Variants in TACC2 observed in about 807,000 individuals in gnomAD.
The protein encoded by TACC2 is transforming acidic coiled-coil-containing protein 2.
In TACC2, 137 loss-of-function variants were observed where a neutral mutation model predicts 227.3. The ratio of observed to expected loss-of-function variants is 0.60; its 90% CI spans 0.52 to 0.69. The LOEUF is 0.69. TACC2 is among the 30% of genes least tolerant of loss of function. The pLI is 0.00. For missense variants in TACC2, 3,470 were observed against 3,694.4 expected (o/e 0.94, Z 1.57); for synonymous variants, 1,523 against 1,487.5 (o/e 1.02, Z -0.55).
chr10:122,082,291 G>C (rs2079602290), intron 3 of TACC2, among the ~76,000 whole-genome samples: 1 of 152,174 alleles, frequency 6.6e-6, no homozygotes, highest in Non-Finnish European at 1.5e-5. Flanking sequence ...CTGGGTGACA[G>C]GGCAAGACCC....
Position 122,085,367 on chromosome 10 carries a change from G to A in TACC2, c.2867G>A (p.Gly956Asp), listed in dbSNP as rs1353645806. The change falls in exon 4 of 23, where the codon GGT becomes GAT. Residue 956 changes from glycine (G) to aspartate (D), a missense_variant. By Grantham distance (94) the Gly-to-Asp change is moderately conservative. Transcript: ENST00000369005. ...CGGCCAGAGGGAGCATGCGGTGATG[G>A]TCAGTCCTCGAGGGTCTCGCCTCCA... ...EKRPEGACGD[G>D]QSSRVSPPAA... 1.2e-6 allele frequency: 2 copies of A among 1,613,930 alleles called. No homozygotes were observed. The highest frequency in any genetic ancestry group is 3.3e-5 in the Admixed American group (2 of 59,998).
chr10:122,183,896 C>G (rs925729109), intron 7 of TACC2, among the ~76,000 whole-genome samples: 1 of 152,188 alleles, frequency 6.6e-6, no homozygotes, highest in Non-Finnish European at 1.5e-5. Flanking sequence ...TCCTCAGAAC[C>G]CAGGAGGACT....
At chr10:122,120,717 A>G (rs1021635165) in intron 5 of TACC2, among the ~76,000 whole-genome samples, 2 of 151,764 alleles carry the variant, frequency 1.3e-5, no homozygotes, top group African/African-American at 2.4e-5. Flanking sequence ...GTGCTCATAA[A>G]CATTGATTCC....
At chr10:122,188,885 G>A (rs1039069532) in intron 7 of TACC2, among the ~76,000 whole-genome samples, 3 of 151,384 alleles carry the variant, frequency 2.0e-5, no homozygotes, top group African/African-American at 7.2e-5. Context: ...AGCCGTAGGT[G>A]TCAGCCTGGA....
chr10:122,074,519 A>T (rs1223179839), intron 3 of TACC2, among the ~76,000 whole-genome samples: 9 of 152,170 alleles, frequency 5.9e-5, no homozygotes, highest in Non-Finnish European at 1.0e-4. Context: ...TTGATGCAGA[A>T]TGACCTATCA....
At chr10:122,192,419 C>T (rs1039452567) in intron 7 of TACC2, 1 of 315,566 alleles carries the variant, frequency 3.2e-6, no homozygotes, top group African/African-American at 2.2e-5. Flanking sequence ...AAGAGCAGAG[C>T]CCTTTGTGCT....
intron 5 of TACC2, among the ~76,000 whole-genome samples, chr10:122,121,797 CTGT>C (rs1280186115): frequency 6.6e-6 from 1 of 152,148 alleles, no homozygotes; most frequent in East Asian, 1.9e-4. Context: ...GGTCCCTGCC[CTGT>C]TGTTGGTGGT....
chr10:122,204,942 A>G (rs1012561150), intron 8 of TACC2, among the ~76,000 whole-genome samples: 1 of 152,130 alleles, frequency 6.6e-6, no homozygotes, highest in Non-Finnish European at 1.5e-5. Context: ...TGTCACTCCA[A>G]CAGTGCTCCT....
chr10:122,182,484 G>C (rs1208306935), intron 7 of TACC2, among the ~76,000 whole-genome samples: 1 of 152,170 alleles, frequency 6.6e-6, no homozygotes, highest in African/African-American at 2.4e-5. Context: ...AGGTGTGTCT[G>C]TGTTTGTTAA....
chr10:122,177,509 C>T (rs895496756), intron 7 of TACC2, among the ~76,000 whole-genome samples: 2 of 152,032 alleles, frequency 1.3e-5, no homozygotes, highest in Admixed American at 6.6e-5. Flanking sequence ...TTCAAGGCTA[C>T]AGGGCACAAT....
chr10:122,053,517 C>G (rs1231199967), intron 3 of TACC2, among the ~76,000 whole-genome samples: 1 of 152,138 alleles, frequency 6.6e-6, no homozygotes, highest in East Asian at 1.9e-4. Flanking sequence ...ATCATCCATT[C>G]CCTCCCCAAC....
chr10:122,090,843 A>T (rs1032515832), intron 5 of TACC2, among the ~76,000 whole-genome samples: 7 of 152,082 alleles, frequency 4.6e-5, no homozygotes, highest in African/African-American at 1.7e-4. Flanking sequence ...CGACCACCCC[A>T]GGATCCTCCC....
intron 7 of TACC2, chr10:122,163,849 C>G (rs2092980506): frequency 6.7e-7 from 1 of 1,496,684 alleles, no homozygotes; most frequent in African/African-American, 1.4e-5. Context: ...CGGCTCGCCC[C>G]GGCTCCCGGC....
chr10:122,133,332 T>C (rs1048722342), intron 6 of TACC2, among the ~76,000 whole-genome samples: 1 of 152,150 alleles, frequency 6.6e-6, no homozygotes, highest in Non-Finnish European at 1.5e-5. Flanking sequence ...ACACTGTGCT[T>C]GGCCTGGATT....
At chr10:122,098,027 T>C (rs1023609795) in intron 5 of TACC2, among the ~76,000 whole-genome samples, 1 of 151,772 alleles carries the variant, frequency 6.6e-6, no homozygotes, top group South Asian at 2.1e-4. Flanking sequence ...AGGTTTGGGG[T>C]AAATGGTTAG....
intron 5 of TACC2, among the ~76,000 whole-genome samples, chr10:122,101,969 T>C (rs1040575792): frequency 1.3e-5 from 2 of 152,042 alleles, no homozygotes; most frequent in African/African-American, 2.4e-5. Context: ...AGTCATGCAT[T>C]GCTTAATGAT....
In TACC2 at chr10:122,087,614, C is replaced by G; in HGVS notation, c.5114C>G (p.Ala1705Gly). 6.2e-7 allele frequency: 1 copy of G among 1,613,540 alleles called. No homozygotes were observed. The highest frequency in any genetic ancestry group is 2.2e-5 in the East Asian group (1 of 44,880). ...AAGGTGGCAGGCGCTGCTGGGGAAG[C>G]AGAGGGTGACATCACCCTGAGCACA... ...PGKVAGAAGEAEGDITLSTAE... is the reference protein window; with the variant it reads ...PGKVAGAAGEGEGDITLSTAE... The change falls in exon 4 of 23, where the codon GCA becomes GGA. Residue 1705 changes from alanine to glycine, a missense_variant. By Grantham distance (60) the Ala-to-Gly change is moderately conservative. Transcript: ENST00000369005.
intron 11 of TACC2, among the ~76,000 whole-genome samples, chr10:122,223,386 G>A (rs2095560575): frequency 6.6e-6 from 1 of 152,132 alleles, no homozygotes; most frequent in Admixed American, 6.5e-5. Context: ...ACAAATTAAT[G>A]CTTCTGTCTT....
chr10:122,105,835 T>C (rs557020268), intron 5 of TACC2, among the ~76,000 whole-genome samples: 15 of 151,338 alleles, frequency 9.9e-5, no homozygotes, highest in African/African-American at 2.4e-4. Flanking sequence ...GTTGGCCAGG[T>C]TGGTCTCGAA....
Sources: gnomAD v4.1 joint callset for allele counts (sites outside exome capture counted in the v4.1 genomes callset) on GRCh38, gnomAD v4.1.1 for gene constraint, MANE v1.5 for transcripts, NCBI Gene and HGNC (gene_info 2026-07-23, HGNC 2026-07-21) for gene names.